The following GNL1 variants were observed in gnomAD, a reference collection of about 807,000 sequenced individuals.
The protein encoded by GNL1 is guanine nucleotide-binding protein-like 1.
Under a neutral mutation model 75.2 loss-of-function variants are expected in GNL1, and 21 were observed. The ratio of observed to expected loss-of-function variants is 0.28; its 90% CI spans 0.20 to 0.40. The LOEUF is 0.40. Among genes scored for constraint, GNL1 ranks in the 10% least tolerant of loss-of-function variants. The pLI is 1.00. For missense variants in GNL1, 579 were observed against 775.0 expected, an observed-to-expected ratio of 0.75 and a Z score of 3.00; for synonymous variants, 287 against 303.4, an observed-to-expected ratio of 0.95 and a Z score of 0.56.
chr6:30,553,203 A>G (rs764930170), intron 6 of GNL1, 24 bp from the exon 7 acceptor site: 1 of 1,568,102 alleles, frequency 6.4e-7, no homozygotes, highest in South Asian at 1.1e-5. Context: ...GCACAAAAGG[A>G]TGGGCACACG....
At position 30,554,665 on chromosome 6, in the gene GNL1, G is replaced by C; in HGVS notation, c.529-19C>G. The C allele has an allele frequency of 6.2e-7, 1 of 1,602,582 alleles. No homozygotes were observed. The highest frequency in any genetic ancestry group is 8.5e-7 in the Non-Finnish European group (1 of 1,170,482). ...TCCATGTCTAAAAAGACAGGATCAG[G>C]AAGAGAAACTGAAAACAGAGTCCCT... On this transcript the variant is annotated intron_variant, in intron 4 of 11. Transcript: ENST00000376621.
In GNL1 at chr6:30,553,517, C is replaced by G. The variant is rs762596864; in HGVS notation, c.641G>C (p.Gly214Ala). The G allele has an allele frequency of 6.2e-7, 1 of 1,612,936 alleles. No homozygotes were observed. Among genetic ancestry groups the G allele is most frequent in the Non-Finnish European group, 8.5e-7 (1 of 1,179,916 alleles). ...FPPALYEYVT[G>A]ELGLALVLVL... ...CAGCACCAGGGCCAGTCCAAGTTCT[C>G]CAGTCACATACTCATAAAGTGCTGG... The change falls in exon 6 of 12, where the codon GGA becomes GCA. Residue 214 changes from glycine to alanine, a missense_variant. Coordinates refer to ENST00000376621, the MANE Select transcript of GNL1 (RefSeq NM_005275.5).
intron 8 of GNL1, among the ~76,000 whole-genome samples, chr6:30,549,525 C>G (rs192435558): frequency 6.6e-6 from 1 of 152,282 alleles, no homozygotes; most frequent in East Asian, 1.9e-4. Flanking sequence ...TGCACCTTCT[C>G]TCATGGGCCT....
At position 30,554,624 on chromosome 6, in the gene GNL1, A is replaced by G; in HGVS notation, c.551T>C (p.Val184Ala). 1 of 1,592,504 alleles carries G rather than the reference A, an allele frequency of 6.3e-7. No homozygotes were observed. The highest frequency in any genetic ancestry group is 8.6e-7 in the Non-Finnish European group (1 of 1,168,984). ...NLETWRQLWR[V>A]LEMSDIVLLI... ...CAGGACGATGTCAGACATCTCTAAC[A>G]CCCGCCACAGCTGCCTCCATGTCTA... The change falls in exon 5 of 12, where the codon GTG becomes GCG. Residue 184 changes from valine (V) to alanine (A), a missense_variant. Transcript: ENST00000376621.
In GNL1 at chr6:30,546,778, T is replaced by G; in HGVS notation, c.1500A>C (p.Arg500Ser). The G allele has an allele frequency of 6.3e-7, 1 of 1,599,920 alleles. No individual in the cohort carries two copies. The highest frequency in any genetic ancestry group is 8.6e-7 in the Non-Finnish European group (1 of 1,169,140). Residue 500 changes from arginine to serine, a missense_variant, in exon 11 of 12, where the codon AGA becomes AGC. Physicochemically the swap from Arg to Ser is moderately radical, Grantham distance 110 (BLOSUM62 -1). Coordinates refer to ENST00000376621, the MANE Select transcript of GNL1 (RefSeq NM_005275.5). This position sits in a 1 kb window ranked among gnomAD's most constrained non-coding sequence, Gnocchi z 5.1. ...TAKAARNDVY[R>S]AANSLLRLAV... is the part of the protein sequence containing the mutation. The stretch of plus-strand genomic sequence containing the variant: ...CCAGCCGCAAGAGACTGTTGGCTGC[T>G]CTGTACACATCATTCCGAGCCGCCT...
Position 30,547,312 on chromosome 6 carries a change from C to T in GNL1, c.1279-38G>A. On this transcript the variant is annotated intron_variant, in intron 9 of 11. Coordinates refer to ENST00000376621, the MANE Select transcript of GNL1 (RefSeq NM_005275.5). The surrounding 1 kb of genome is among the most constrained non-coding windows in gnomAD (Gnocchi z 5.5). Reference sequence around the variant, plus strand: ...AGCACTCAGTACTTTCCTCAATGTCCCACCTTCTCTCTTTCCCTTACCCAC... The same window carrying T: ...AGCACTCAGTACTTTCCTCAATGTCTCACCTTCTCTCTTTCCCTTACCCAC... The T allele has an allele frequency of 1.9e-6, 3 of 1,581,196 alleles. No homozygotes were observed. Among genetic ancestry groups the T allele is most frequent in the African/African-American group, 1.4e-5 (1 of 73,954 alleles).
chr6:30,555,499 G>A lies in GNL1; in HGVS notation c.239+56C>T. ...CAGTAGCAGCCCGCTTTCCCCCAAAGCTCTGACTTCCGGGTAGGCGGGAAA... is the reference window on the plus strand; with the variant it reads ...CAGTAGCAGCCCGCTTTCCCCCAAAACTCTGACTTCCGGGTAGGCGGGAAA... On this transcript the variant is annotated intron_variant, in intron 2 of 11. Transcript: ENST00000376621. This position sits in a 1 kb window ranked among gnomAD's most constrained non-coding sequence, Gnocchi z 4.3. The A allele has an allele frequency of 1.8e-5, 27 of 1,534,468 alleles. No individual in the cohort carries two copies. Among genetic ancestry groups the A allele is most frequent in the Non-Finnish European group, 2.4e-5 (27 of 1,121,500 alleles).
rs758805993 is a variant in GNL1 at position 30,553,207 on chromosome 6, G to C, written c.809-28C>G. 67 of 1,551,900 alleles carry C rather than the reference G, an allele frequency of 4.3e-5. No homozygotes were observed. The South Asian group carries it at 7.4e-4, about 17-fold the overall frequency. Reference sequence around the variant, plus strand: ...GAGATCAGAGGGCACAAAAGGATGGGCACACGGGCTTAGGCCTCTCATCTC... The same window carrying C: ...GAGATCAGAGGGCACAAAAGGATGGCCACACGGGCTTAGGCCTCTCATCTC... On this transcript the variant is annotated intron_variant, in intron 6 of 11. Coordinates refer to ENST00000376621, the MANE Select transcript of GNL1 (RefSeq NM_005275.5).
chr6:30,553,251 C>A, intron 6 of GNL1, 72 bp from the exon 7 acceptor site: 1 of 1,438,548 alleles, frequency 7.0e-7, no homozygotes, highest in East Asian at 2.3e-5. Flanking sequence ...CCCTTAGGCC[C>A]AAGACCAGGT....
In GNL1 at chr6:30,555,374, C is replaced by T. The variant is rs1800083404; in HGVS notation, c.239+181G>A. Among the ~76,000 whole-genome samples the T allele has an allele frequency of 6.6e-6, 1 of 152,228 alleles. No homozygotes were observed. On this transcript the variant is annotated intron_variant, in intron 2 of 11. Coordinates refer to ENST00000376621, the MANE Select transcript of GNL1 (RefSeq NM_005275.5). The surrounding 1 kb of genome is among the most constrained non-coding windows in gnomAD (Gnocchi z 4.3). ...TACTCAGCCTTCTCCTTCTAAAAGC[C>T]CAACTCTCTCCAGCCCCTCTGGAAA...
chr6:30,555,742 G>T lies in GNL1; in HGVS notation c.74-22C>A. 1 of 1,610,252 alleles carries T rather than the reference G, an allele frequency of 6.2e-7. No homozygotes were observed. The highest frequency in any genetic ancestry group is 8.5e-7 in the Non-Finnish European group (1 of 1,178,102). ...AGCCCTGCGGGGAGGGGCCGGTGACGCCAGTGCTGGCCAGCTCTCAGGGGC... is the reference window on the plus strand; with the variant it reads ...AGCCCTGCGGGGAGGGGCCGGTGACTCCAGTGCTGGCCAGCTCTCAGGGGC... On this transcript the variant is annotated intron_variant, in intron 1 of 11. Coordinates refer to ENST00000376621, the MANE Select transcript of GNL1 (RefSeq NM_005275.5). This position sits in a 1 kb window ranked among gnomAD's most constrained non-coding sequence, Gnocchi z 4.3.
At position 30,552,016 on chromosome 6, in the gene GNL1, C is replaced by T. The variant is rs1799812351; in HGVS notation, c.1099+451G>A. Among the ~76,000 whole-genome samples the T allele has an allele frequency of 6.6e-6, 1 of 152,076 alleles. No individual in the cohort carries two copies. Among genetic ancestry groups the T allele is most frequent in the Non-Finnish European group, 1.5e-5 (1 of 68,016 alleles). On this transcript the variant is annotated intron_variant, in intron 8 of 11. Coordinates refer to ENST00000376621, the MANE Select transcript of GNL1 (RefSeq NM_005275.5). This position sits in a 1 kb window ranked among gnomAD's most constrained non-coding sequence, Gnocchi z 4.5. ...TAGCAGAGACTACAGGCACATACCA[C>T]CACACTTGGCTAGTTTTCTTTATCT...
Position 30,553,658 on chromosome 6 carries a change from G to C in GNL1, c.601-101C>G, listed in dbSNP as rs6908888. 12 of 773,926 alleles carry C rather than the reference G, an allele frequency of 1.6e-5. No individual in the cohort carries two copies. In the South Asian group the frequency reaches 1.8e-4, roughly 11 times the overall value. 47.9% of individuals were successfully genotyped at this position (773,926 alleles called of 1,614,324 possible). A position where few individuals can be genotyped will look rare whatever the true frequency, so the allele number is the denominator to read the frequency against. Reference sequence around the variant, plus strand: ...AGGTGTAGCTCAGAGACAAGGCCCTGGTGGTAGCAGACTCTGGGCTAAAAA... The same window carrying C: ...AGGTGTAGCTCAGAGACAAGGCCCTCGTGGTAGCAGACTCTGGGCTAAAAA... On this transcript the variant is annotated intron_variant, in intron 5 of 11. Coordinates refer to ENST00000376621, the MANE Select transcript of GNL1 (RefSeq NM_005275.5).
In GNL1 at chr6:30,547,362, C is replaced by T; in HGVS notation, c.1268G>A (p.Arg423Lys). 6.2e-7 allele frequency: 1 copy of T among 1,605,668 alleles called. No individual in the cohort carries two copies. The highest frequency in any genetic ancestry group is 8.5e-7 in the Non-Finnish European group (1 of 1,175,892). Residue 423 changes from arginine to lysine, a missense_variant, in exon 9 of 12, where the codon AGG becomes AAG. Transcript: ENST00000376621. The surrounding 1 kb of genome is among the most constrained non-coding windows in gnomAD (Gnocchi z 5.5). Reference protein sequence around the residue: ...PGLIFPSLLPRQLQVLAGIYP... With the variant: ...PGLIFPSLLPKQLQVLAGIYP... ...CCCTCCCCGTCATACCTGCAACTGC[C>T]TAGGCAGAAGAGATGGGAAGATGAG...
rs1237656364 is a variant in GNL1, at chr6:30,542,690, CTT to C, written c.*3380_*3381del. The C allele has an allele frequency of 1.3e-5, 2 of 152,264 alleles. No individual in the cohort carries two copies. Among genetic ancestry groups the C allele is most frequent in the African/African-American group, 4.8e-5 (2 of 41,448 alleles). 9.4% of individuals were successfully genotyped at this position (152,264 alleles called of 1,614,324 possible). Reference sequence around the variant, plus strand: ...CTGAGCAACCCATAAAACGATTTCTCTTCTTTCCATCTTCCATTACCCTAATT... The same window carrying C: ...CTGAGCAACCCATAAAACGATTTCTCCTTTCCATCTTCCATTACCCTAATT... On this transcript the variant is annotated 3_prime_UTR_variant, in exon 12 of 12. Transcript: ENST00000376621. The surrounding 1 kb of genome is among the most constrained non-coding windows in gnomAD (Gnocchi z 4.5).
chr6:30,556,260 T>C lies in GNL1; in HGVS notation c.-57A>G. On this transcript the variant is annotated 5_prime_UTR_variant, in exon 1 of 12. Transcript: ENST00000376621. This position sits in a 1 kb window ranked among gnomAD's most constrained non-coding sequence, Gnocchi z 5.7. ...CCGAGCTCCCGCCGCCTCAACTGAC[T>C]GCCCCCCGGGGCAGCCCCCGCCGCA... 1.3e-6 allele frequency: 2 copies of C among 1,563,870 alleles called. No homozygotes were observed. Among genetic ancestry groups the C allele is most frequent in the Non-Finnish European group, 1.7e-6 (2 of 1,161,894 alleles).
Position 30,546,286 on chromosome 6 carries a change from G to T in GNL1, c.1610C>A (p.Thr537Lys). The T allele has an allele frequency of 6.3e-7, 1 of 1,594,490 alleles. No homozygotes were observed. The change falls in exon 12 of 12, where the codon ACG becomes AAG. Residue 537 changes from threonine to lysine, a missense_variant. By Grantham distance (78) the Thr-to-Lys change is moderately conservative. Coordinates refer to ENST00000376621, the MANE Select transcript of GNL1 (RefSeq NM_005275.5). The surrounding 1 kb of genome is among the most constrained non-coding windows in gnomAD (Gnocchi z 5.1). The stretch of plus-strand genomic sequence containing the variant: ...CCTGCCCTGCAAAACCACCAGCTCC[G>T]TGGTCTCTGGATGGGACTCCCAGGT... The part of the protein sequence containing the change: ...KGTWESHPET[T>K]ELVVLQGRVG...
intron 8 of GNL1, among the ~76,000 whole-genome samples, chr6:30,551,097 C>A (rs73727439): frequency 0.031 from 4,704 of 152,298 alleles, 120 homozygotes; most frequent in African/African-American, 0.07. Flanking sequence ...CCTAGAATAT[C>A]TGGCACCTGG....
Position 30,554,796 on chromosome 6 carries a change from C to G in GNL1, c.496G>C (p.Glu166Gln). 1 of 1,612,980 alleles carries G rather than the reference C, an allele frequency of 6.2e-7. No individual in the cohort carries two copies. The highest frequency in any genetic ancestry group is 8.5e-7 in the Non-Finnish European group (1 of 1,179,970). The change falls in exon 4 of 12, where the codon GAG becomes CAG. Residue 166 changes from glutamate to glutamine, a missense_variant. Physicochemically the swap from Glu to Gln is conservative, Grantham distance 29. Transcript: ENST00000376621. ...LGKIHGAYSS[E>Q]KLSYFEHNLE... is the part of the protein sequence containing the mutation. ...TTGTGCTCAAAGTAGCTGAGTTTCT[C>G]AGAGGAGTAAGCCCCATGAATCTTC...
Sources: gnomAD v4.1 joint callset for allele counts (sites outside exome capture counted in the v4.1 genomes callset) on GRCh38, gnomAD v4.1.1 for gene constraint, Gnocchi (gnomAD v3.1) non-coding constraint, MANE v1.5 for transcripts, NCBI Gene and HGNC (gene_info 2026-07-23, HGNC 2026-07-21) for gene names.